The following GPC6 variants were observed in gnomAD, a reference collection of about 807,000 sequenced individuals.
GPC6 encodes the protein glypican-6.
GPC6 carries 14 observed loss-of-function variants against 55.2 expected under a neutral mutation model. The ratio of observed to expected loss-of-function variants is 0.25; its 90% CI spans 0.17 to 0.40. GPC6 has a LOEUF of 0.40. GPC6 is among the 10% of genes least tolerant of loss of function. The probability of loss-of-function intolerance (pLI) is 1.00; values close to 1 mark genes in which losing one functional copy is unlikely to be tolerated. For missense variants in GPC6, 641 were observed against 708.5 expected (o/e 0.90, Z 1.08); for synonymous variants, 278 against 259.6 (o/e 1.07, Z -0.68).
chr13:94,325,006 G>C (rs2139134313), intron 6 of GPC6, among the ~76,000 whole-genome samples: 1 of 152,114 alleles, frequency 6.6e-6, no homozygotes, highest in East Asian at 1.9e-4. Flanking sequence ...CGTGGTGTCT[G>C]TGATGTTTCT....
chr13:94,162,800 C>T (rs938148545), intron 4 of GPC6, among the ~76,000 whole-genome samples: 2 of 151,974 alleles, frequency 1.3e-5, no homozygotes, highest in Non-Finnish European at 2.9e-5. Flanking sequence ...TGTGATTCTT[C>T]ATTTGTTCAG....
intron 4 of GPC6, among the ~76,000 whole-genome samples, chr13:94,111,473 TATA>T (rs149246452): frequency 0.14 from 20,885 of 144,256 alleles, 1,640 homozygotes; most frequent in African/African-American, 0.19. Context: ...TTAAAGTAAA[TATA>T]ATAATAATAA....
At chr13:94,196,710 G>A (rs1889588211) in intron 4 of GPC6, among the ~76,000 whole-genome samples, 2 of 152,218 alleles carry the variant, frequency 1.3e-5, no homozygotes, top group South Asian at 4.2e-4. Context: ...TACGAGAGTT[G>A]GCATAACCCC....
chr13:94,276,912 G>T (rs1475480081), intron 4 of GPC6, among the ~76,000 whole-genome samples: 2 of 152,134 alleles, frequency 1.3e-5, no homozygotes, highest in Non-Finnish European at 2.9e-5. Flanking sequence ...ATTTGCATGT[G>T]TCTTTATCAT....
Position 94,171,648 on chromosome 13 carries a change from G to A in GPC6, c.878-114701G>A, listed in dbSNP as rs117337651. Among the ~76,000 whole-genome samples the A allele has an allele frequency of 3.3e-5, 5 of 152,268 alleles. No individual in the cohort carries two copies. The East Asian group carries it at 5.8e-4, about 18-fold the overall frequency. ...ATTGTAAAAAGGGATTTTGCTAGGG[G>A]GTAAAACCAAGACATTTGTCCTTTC... On this transcript the variant is annotated intron_variant, in intron 4 of 8. Coordinates refer to ENST00000377047, the MANE Select transcript of GPC6 (RefSeq NM_005708.5).
intron 3 of GPC6, among the ~76,000 whole-genome samples, chr13:93,984,880 T>A (rs1052222355): frequency 8.5e-5 from 13 of 152,204 alleles, no homozygotes; most frequent in Non-Finnish European, 1.9e-4. Context: ...TGGCTCTGAA[T>A]TCATTTGAAT....
intron 1 of GPC6, among the ~76,000 whole-genome samples, chr13:93,319,517 C>A (rs1007422311): frequency 6.6e-6 from 1 of 152,000 alleles, no homozygotes; most frequent in Non-Finnish European, 1.5e-5. Flanking sequence ...CAAGAGAGAC[C>A]TTGTGAGAAC....
chr13:94,070,200 G>A (rs1353189550), intron 4 of GPC6, among the ~76,000 whole-genome samples: 1 of 152,172 alleles, frequency 6.6e-6, no homozygotes, highest in Non-Finnish European at 1.5e-5. Context: ...CTTGTGTAGG[G>A]AAACTCCAGT....
At chr13:93,461,663 CG>C (rs1878695562) in intron 1 of GPC6, among the ~76,000 whole-genome samples, 23 of 5,716 alleles carry the variant, frequency 4.0e-3, no homozygotes, top group Non-Finnish European at 6.5e-3. Context: ...TAGGTCCCGG[CG>C]GGGGGGTTGG....
At chr13:93,420,734 A>G (rs753568201) in intron 1 of GPC6, among the ~76,000 whole-genome samples, 100 of 152,106 alleles carry the variant, frequency 6.6e-4, no homozygotes, top group South Asian at 4.1e-4. Flanking sequence ...TTATGTATTC[A>G]TTTGTCCAGT....
chr13:94,360,872 G>C (rs1339189863), intron 6 of GPC6, among the ~76,000 whole-genome samples: 1 of 152,176 alleles, frequency 6.6e-6, no homozygotes, highest in Non-Finnish European at 1.5e-5. Flanking sequence ...TCAAAACCAG[G>C]CCCTACTACT....
At chr13:94,270,483 A>G (rs937577187) in intron 4 of GPC6, among the ~76,000 whole-genome samples, 8 of 152,350 alleles carry the variant, frequency 5.3e-5, no homozygotes, top group African/African-American at 1.9e-4. Context: ...AACATTGCAT[A>G]CATAGCCTGA....
chr13:94,364,499 A>G (rs1879203551), intron 6 of GPC6, among the ~76,000 whole-genome samples: 1 of 152,228 alleles, frequency 6.6e-6, no homozygotes, highest in South Asian at 2.1e-4. Flanking sequence ...GTACTCATTA[A>G]GTACTTCCAG....
intron 1 of GPC6, among the ~76,000 whole-genome samples, chr13:93,444,697 C>T (rs189195908): frequency 1.7e-3 from 253 of 152,286 alleles, no homozygotes; most frequent in Non-Finnish European, 2.7e-3. Flanking sequence ...TTAAAATGCC[C>T]TCTCATCAGG....
intron 4 of GPC6, among the ~76,000 whole-genome samples, chr13:94,235,796 C>G (rs963644682): frequency 1.3e-5 from 2 of 152,106 alleles, no homozygotes; most frequent in Non-Finnish European, 2.9e-5. Context: ...GGCACACAAT[C>G]ATATTAAAAC....
chr13:93,914,258 T>C (rs1441141411), intron 3 of GPC6, among the ~76,000 whole-genome samples: 1 of 151,242 alleles, frequency 6.6e-6, no homozygotes, highest in Non-Finnish European at 1.5e-5. Context: ...GATGTTCCCC[T>C]TCCTGTGTCC....
chr13:93,813,960 A>C (rs1886773869), intron 2 of GPC6, among the ~76,000 whole-genome samples: 1 of 152,060 alleles, frequency 6.6e-6, no homozygotes, highest in Non-Finnish European at 1.5e-5. Flanking sequence ...TTTATCTCTT[A>C]CTCTTACAAT....
intron 4 of GPC6, among the ~76,000 whole-genome samples, chr13:94,221,093 T>G (rs1029840024): frequency 4.6e-5 from 7 of 152,138 alleles, no homozygotes; most frequent in African/African-American, 1.7e-4. Flanking sequence ...AGCCAACAAT[T>G]TTTTTCAAAA....
At chr13:94,249,931 A>C (rs1891301068) in intron 4 of GPC6, among the ~76,000 whole-genome samples, 1 of 152,152 alleles carries the variant, frequency 6.6e-6, no homozygotes, top group Non-Finnish European at 1.5e-5. Context: ...TAAATTCGAG[A>C]TGTCTGCCAT....
Sources: allele counts gnomAD v4.1 joint callset (sites outside exome capture counted in the v4.1 genomes callset), GRCh38; gene constraint gnomAD v4.1.1; transcripts MANE v1.5; gene names NCBI Gene and HGNC (gene_info 2026-07-23, HGNC 2026-07-21).